Variants in FXYD6 observed in about 807,000 individuals in gnomAD.
The protein encoded by FXYD6 is FXYD domain containing ion transport regulator 6.
Under a neutral mutation model 16.7 loss-of-function variants are expected in FXYD6, and 7 were observed. The observed-to-expected ratio is 0.42, with a 90% CI of 0.24 to 0.79. The LOEUF (loss-of-function observed/expected upper bound fraction) is 0.79, where lower values mean the gene tolerates loss of function less well. Ranked by LOEUF, FXYD6 falls within the 30% of genes least tolerant of loss-of-function variation. The probability of loss-of-function intolerance (pLI) is 0.28; values close to 1 mark genes in which losing one functional copy is unlikely to be tolerated. For synonymous variants in FXYD6, 49 were observed against 43.0 expected (o/e 1.14, Z -0.54); for missense variants, 111 against 116.2 (o/e 0.95, Z 0.21).
chr11:117,842,109 C>T, intron 2 of FXYD6, 81 bp from the exon 3 acceptor site: 2 of 1,599,784 alleles, frequency 1.3e-6, no homozygotes, highest in Non-Finnish European at 1.7e-6. Flanking sequence ...TCACAGACCT[C>T]AGTCTCCACA....
chr11:117,876,786 G>C (rs926355304), upstream of FXYD6: 1 of 152,194 alleles, frequency 6.6e-6, no homozygotes, highest in Non-Finnish European at 1.5e-5. Context: ...GCTGGGCTCG[G>C]GGACAGCCCA....
Position 117,852,789 on chromosome 11 carries a change from T to C in FXYD6, c.-5-10008A>G, listed in dbSNP as rs11216581. Among the ~76,000 whole-genome samples, 2,588 of 152,360 alleles carry C rather than the reference T, an allele frequency of 0.017. 234 individuals carry two copies. In the East Asian group the frequency reaches 0.22, roughly 13 times the overall value. On this transcript the variant is annotated intron_variant, in intron 1 of 7. Coordinates refer to ENST00000526014, the MANE Select transcript of FXYD6 (RefSeq NM_022003.4). The stretch of plus-strand genomic sequence containing the variant: ...TTAGACATCCTCATTCTATTCTCCA[T>C]ATCGCTTAACTGCTCTTTCATATTT...
At chr11:117,868,629 G>A (rs890659412) in intron 1 of FXYD6, among the ~76,000 whole-genome samples, 10 of 152,056 alleles carry the variant, frequency 6.6e-5, no homozygotes, top group Admixed American at 1.3e-4. Context: ...ACAAACGAAC[G>A]ACATTTTAAT....
At chr11:117,858,618 G>C (rs2056793606) in intron 1 of FXYD6, among the ~76,000 whole-genome samples, 2 of 149,592 alleles carry the variant, frequency 1.3e-5, no homozygotes, top group African/African-American at 4.9e-5. Flanking sequence ...AGTCGATTCT[G>C]CTTCATTTTC....
Position 117,841,175 on chromosome 11 carries a change from C to A in FXYD6, c.182G>T (p.Cys61Phe). 1 of 1,614,114 alleles carries A rather than the reference C, an allele frequency of 6.2e-7. No individual in the cohort carries two copies. The highest frequency in any genetic ancestry group is 8.5e-7 in the Non-Finnish European group (1 of 1,180,024). ...GGGCTTCTGATTGAAACTGCACTTG[C>A]ACCTGCGACCTGAAAAGCAAAGAAA... ...VGILLILSRRCKCSFNQKPRA... is the reference protein window; with the variant it reads ...VGILLILSRRFKCSFNQKPRA... Residue 61 changes from cysteine (C) to phenylalanine (F), a missense_variant, in exon 5 of 8, where the codon TGC becomes TTC. Transcript: ENST00000526014.
intron 1 of FXYD6, among the ~76,000 whole-genome samples, chr11:117,850,148 C>T (rs537455450): frequency 1.3e-5 from 2 of 152,322 alleles, no homozygotes; most frequent in South Asian, 2.1e-4. Context: ...AGTAAATATC[C>T]CTAAGCCTTA....
chr11:117,854,592 G>A (rs1028679395), intron 1 of FXYD6, among the ~76,000 whole-genome samples: 1 of 152,210 alleles, frequency 6.6e-6, no homozygotes, highest in Non-Finnish European at 1.5e-5. Flanking sequence ...TGGTGGCAAA[G>A]GGCTCTGATC....
At chr11:117,863,490 A>C (rs921623782) in intron 1 of FXYD6, among the ~76,000 whole-genome samples, 26 of 151,554 alleles carry the variant, frequency 1.7e-4, no homozygotes, top group Non-Finnish European at 3.5e-4. Flanking sequence ...AAAAAAAAAA[A>C]CCCACAGCAA....
rs1406718588 is a variant in FXYD6 at position 117,872,122 on chromosome 11, AAATGG to A, written c.-6+4465_-6+4469del. On this transcript the variant is annotated intron_variant, in intron 1 of 7. Coordinates refer to ENST00000526014, the MANE Select transcript of FXYD6 (RefSeq NM_022003.4). This position sits in a 1 kb window ranked among gnomAD's most constrained non-coding sequence, Gnocchi z 4.9. Reference sequence around the variant, plus strand: ...ACCTGAGCTGTAACATCAGTGGGTAAAATGGAATGGGCTGAGAGGGTGGACGTTCA... The same window carrying A: ...ACCTGAGCTGTAACATCAGTGGGTAAAATGGGCTGAGAGGGTGGACGTTCA... Among the ~76,000 whole-genome samples, 1 of 152,174 alleles carries A rather than the reference AAATGG, an allele frequency of 6.6e-6. No homozygotes were observed. Among genetic ancestry groups the A allele is most frequent in the Non-Finnish European group, 1.5e-5 (1 of 68,024 alleles).
chr11:117,875,232 T>C lies in FXYD6; in HGVS notation c.-6+1360A>G, dbSNP rs113700898. On this transcript the variant is annotated intron_variant, in intron 1 of 7. Coordinates refer to ENST00000526014, the MANE Select transcript of FXYD6 (RefSeq NM_022003.4). ...TGTGTATAGGTATGATGTATATGTA[T>C]GTGTGGTGTGAGTGTGAGGGTGTGT... 4.1e-3 allele frequency among the ~76,000 whole-genome samples: 622 copies of C among 152,132 alleles called. 6 individuals are homozygous for C. Among genetic ancestry groups the C allele is most frequent in the African/African-American group, 0.013 (559 of 41,488 alleles).
chr11:117,845,433 G>A (rs2056447447), intron 1 of FXYD6, among the ~76,000 whole-genome samples: 1 of 152,142 alleles, frequency 6.6e-6, no homozygotes, highest in Non-Finnish European at 1.5e-5. Context: ...ATGTTGCTTA[G>A]TGTAGCTTTT....
At position 117,870,964 on chromosome 11, in the gene FXYD6, T is replaced by C. The variant is rs1591596521; in HGVS notation, c.-6+5628A>G. ...ATGAAAGGACGCTTCAGCATCATTA[T>C]CCCTTTACATCAAATCCATTCTAAG... On this transcript the variant is annotated intron_variant, in intron 1 of 7. Coordinates refer to ENST00000526014, the MANE Select transcript of FXYD6 (RefSeq NM_022003.4). The surrounding 1 kb of genome is among the most constrained non-coding windows in gnomAD (Gnocchi z 4.2). 6.6e-6 allele frequency among the ~76,000 whole-genome samples: 1 copy of C among 152,142 alleles called. No homozygotes were observed. Among genetic ancestry groups the C allele is most frequent in the African/African-American group, 2.4e-5 (1 of 41,430 alleles).
rs778422342 is a variant in FXYD6, at chr11:117,872,908, G to A, written c.-6+3684C>T. Among the ~76,000 whole-genome samples, 5 of 152,112 alleles carry A rather than the reference G, an allele frequency of 3.3e-5. No homozygotes were observed. The highest frequency in any genetic ancestry group is 4.8e-5 in the African/African-American group (2 of 41,404). Reference sequence around the variant, plus strand: ...GTGTCAGAGCACTGTGTTCCCGACCGGCCCCTCTCGTTGCAACTCTCCAGC... The same window carrying A: ...GTGTCAGAGCACTGTGTTCCCGACCAGCCCCTCTCGTTGCAACTCTCCAGC... On this transcript the variant is annotated intron_variant, in intron 1 of 7. Coordinates refer to ENST00000526014, the MANE Select transcript of FXYD6 (RefSeq NM_022003.4). This position sits in a 1 kb window ranked among gnomAD's most constrained non-coding sequence, Gnocchi z 4.9.
At chr11:117,867,733 C>A (rs540453560) in intron 1 of FXYD6, among the ~76,000 whole-genome samples, 3 of 152,262 alleles carry the variant, frequency 2.0e-5, no homozygotes, top group African/African-American at 7.2e-5. Context: ...TCTCTAACTG[C>A]GTGCCTTTGT....
intron 1 of FXYD6, among the ~76,000 whole-genome samples, chr11:117,860,783 G>T (rs1328574621): frequency 6.6e-6 from 1 of 152,200 alleles, no homozygotes; most frequent in Admixed American, 6.5e-5. Context: ...ACATTCGTAA[G>T]GTGCTCATGC....
intron 1 of FXYD6, among the ~76,000 whole-genome samples, chr11:117,859,201 C>T (rs1355400659): frequency 3.9e-5 from 6 of 152,222 alleles, no homozygotes; most frequent in Admixed American, 3.3e-4. Flanking sequence ...CAGTGTGTCC[C>T]GACCGCAGGT....
At chr11:117,845,310 G>A (rs2056445623) in intron 1 of FXYD6, among the ~76,000 whole-genome samples, 1 of 152,148 alleles carries the variant, frequency 6.6e-6, no homozygotes, top group South Asian at 2.1e-4. Context: ...CTACCTTGTA[G>A]CATGTATGCA....
At chr11:117,869,688 GA>G (rs775459582) in intron 1 of FXYD6, among the ~76,000 whole-genome samples, 5 of 145,954 alleles carry the variant, frequency 3.4e-5, no homozygotes, top group African/African-American at 5.1e-5. Context: ...AGAAGAAGAA[GA>G]AGAGAGAGAG....
intron 1 of FXYD6, among the ~76,000 whole-genome samples, chr11:117,848,431 G>C (rs1368400514): frequency 6.7e-6 from 1 of 150,128 alleles, no homozygotes; most frequent in Non-Finnish European, 1.5e-5. Flanking sequence ...AGATGGATTT[G>C]GCTTACTGAC....
Sources: gnomAD v4.1 joint callset for allele counts (sites outside exome capture counted in the v4.1 genomes callset) on GRCh38, gnomAD v4.1.1 for gene constraint, Gnocchi (gnomAD v3.1) non-coding constraint, MANE v1.5 for transcripts, NCBI Gene and HGNC (gene_info 2026-07-23, HGNC 2026-07-21) for gene names.